Variants in GK observed in about 807,000 individuals in gnomAD.
GK encodes the protein ATP:glycerol 3-phosphotransferase.
In GK, 9 loss-of-function variants were observed where a neutral mutation model predicts 56.4. That is an observed-to-expected ratio of 0.16 (90% CI 0.10 to 0.28). The LOEUF (loss-of-function observed/expected upper bound fraction) is 0.28. GK is among the 10% of genes least tolerant of loss of function. The probability of loss-of-function intolerance (pLI) is 1.00; values close to 1 mark genes in which losing one functional copy is unlikely to be tolerated. For missense variants in GK, 161 were observed against 431.4 expected (o/e 0.37, Z 5.55); for synonymous variants, 104 against 144.1 (o/e 0.72, Z 1.99).
intron 7 of GK, 91 bp downstream of exon 7, chrX:30,696,242 C>A: frequency 1.8e-6 from 1 of 549,896 alleles, no homozygotes; most frequent in South Asian, 2.5e-5. Context: ...AGTGGAGCAC[C>A]AAAATTTAAC....
chrX:30,657,039 CG>C (rs2147119605), intron 1 of GK, among the ~76,000 whole-genome samples: 1 of 111,232 alleles, frequency 9.0e-6, no homozygotes, highest in South Asian at 3.8e-4. Context: ...TTAGTAGAGA[CG>C]GGGTTTCACC....
intron 11 of GK, among the ~76,000 whole-genome samples, chrX:30,705,244 C>T (rs1292559023): frequency 8.9e-6 from 1 of 112,359 alleles, no homozygotes; most frequent in Admixed American, 9.4e-5. Flanking sequence ...GAGAAAATGA[C>T]AGTCAGCTCA....
intron 1 of GK, among the ~76,000 whole-genome samples, chrX:30,662,906 T>C (rs1441897079): frequency 1.0e-5 from 1 of 98,495 alleles, no homozygotes; most frequent in Admixed American, 1.2e-4. Context: ...CTTTCTTTCG[T>C]AGTTTCGCTC....
chrX:30,674,247 C>T, intron 3 of GK: 1 of 327,986 alleles, frequency 3.0e-6, no homozygotes, highest in Non-Finnish European at 6.0e-6. Flanking sequence ...GCTATCTGGC[C>T]TCAGAGCCTG....
chrX:30,729,019 A>T lies in GK; in HGVS notation c.*277A>T. On this transcript the variant is annotated 3_prime_UTR_variant, in exon 21 of 21. Coordinates refer to ENST00000427190, the MANE Select transcript of GK (RefSeq NM_001205019.2). ...GGCTGACCCCCTCCATTGCCATAAC[A>T]TCCTGCTCCATTCCCTCTAAGATGT... is the stretch of plus-strand genomic sequence containing the variant. 2.8e-6 allele frequency: 1 copy of T among 360,719 alleles called. No homozygotes were observed. The highest frequency in any genetic ancestry group is 4.9e-6 in the Non-Finnish European group (1 of 205,476). 29.7% of individuals were successfully genotyped at this position (360,719 alleles called of 1,213,427 possible).
intron 4 of GK, among the ~76,000 whole-genome samples, chrX:30,689,212 C>CG (rs1488659512): frequency 8.9e-6 from 1 of 111,947 alleles, no homozygotes; most frequent in African/African-American, 3.2e-5. Context: ...AATTCTTCTA[C>CG]TTTTTCTAGT....
chrX:30,708,909 T>TA (rs950055118), intron 13 of GK, among the ~76,000 whole-genome samples: 12 of 111,916 alleles, frequency 1.1e-4, no homozygotes, highest in Non-Finnish European at 1.1e-4. Flanking sequence ...GACTTCTAGT[T>TA]AGAGTTAAAA....
Position 30,701,166 on chromosome X carries a change from T to A in GK, c.851+261T>A, listed in dbSNP as rs150435575. ...GGCTCACGCCTGTAATCCCAGCACT[T>A]TGAGTGGCCGAGACAGGTGGATCAC... On this transcript the variant is annotated intron_variant, in intron 11 of 20. Coordinates refer to ENST00000427190, the MANE Select transcript of GK (RefSeq NM_001205019.2). 3.6e-3 allele frequency among the ~76,000 whole-genome samples: 401 copies of A among 111,925 alleles called. 1 individual carries two copies. Among genetic ancestry groups the A allele is most frequent in the African/African-American group, 0.012 (382 of 30,819 alleles).
At chrX:30,676,239 A>G (rs925387240) in intron 3 of GK, among the ~76,000 whole-genome samples, 4 of 112,186 alleles carry the variant, frequency 3.6e-5, no homozygotes, top group Admixed American at 9.5e-5. Context: ...CTGGCTAATT[A>G]TTTTATTTTT....
At chrX:30,664,041 A>C (rs1375995343) in intron 1 of GK, among the ~76,000 whole-genome samples, 1 of 88,870 alleles carries the variant, frequency 1.1e-5, no homozygotes, top group African/African-American at 4.2e-5. Context: ...TTATAGATAT[A>C]TATTTTATAT....
In GK at chrX:30,653,517, G is replaced by C. The variant is rs776531786; in HGVS notation, c.-21G>C. ...ACCCAGGAAACCGGCCGCAATCGCCGGCCGACCTGAAGCTGGTTTCATGGC... is the reference window on the plus strand; with the variant it reads ...ACCCAGGAAACCGGCCGCAATCGCCCGCCGACCTGAAGCTGGTTTCATGGC... On this transcript the variant is annotated 5_prime_UTR_variant, in exon 1 of 21. Coordinates refer to ENST00000427190, the MANE Select transcript of GK (RefSeq NM_001205019.2). The C allele has an allele frequency of 4.1e-6, 5 of 1,205,519 alleles. No individual in the cohort carries two copies. Among genetic ancestry groups the C allele is most frequent in the Non-Finnish European group, 5.6e-6 (5 of 889,632 alleles).
At chrX:30,709,976 T>G (rs1432559733) in intron 13 of GK, among the ~76,000 whole-genome samples, 1 of 111,758 alleles carries the variant, frequency 8.9e-6, no homozygotes, top group Non-Finnish European at 1.9e-5. Context: ...TGTTACTCTT[T>G]CAGTTTTGTC....
intron 13 of GK, among the ~76,000 whole-genome samples, chrX:30,717,950 T>A (rs1936711743): frequency 9.0e-6 from 1 of 111,532 alleles, no homozygotes; most frequent in Admixed American, 9.5e-5. Flanking sequence ...CTTACTAAGT[T>A]ACTTAGATTA....
chrX:30,698,895 T>C (rs867415387), intron 9 of GK, among the ~76,000 whole-genome samples: 5 of 82,933 alleles, frequency 6.0e-5, no homozygotes, highest in African/African-American at 9.1e-5. Flanking sequence ...GAAAAGAAAA[T>C]AGCAGGTTTT....
chrX:30,680,162 A>AT (rs1033097405), intron 4 of GK, among the ~76,000 whole-genome samples: 123 of 110,636 alleles, frequency 1.1e-3, no homozygotes, highest in South Asian at 6.4e-3. Context: ...AGGTTGACTC[A>AT]TTTTTTTTTA....
intron 3 of GK, among the ~76,000 whole-genome samples, chrX:30,676,724 A>G (rs768119585): frequency 8.9e-6 from 1 of 111,909 alleles, no homozygotes; most frequent in Non-Finnish European, 1.9e-5. Flanking sequence ...AGTGTGGGTT[A>G]GTGTTTTTTT....
Position 30,677,465 on chromosome X carries a change from G to C in GK, c.337+13G>C. On this transcript the variant is annotated intron_variant, in intron 4 of 20. Transcript: ENST00000427190. ...TACAATGCTGTGGGTAAGCTGTCAT[G>C]CATGGATGTCAAATGTAGGGCCTTT... The C allele has an allele frequency of 1.1e-6, 1 of 946,196 alleles. No homozygotes were observed. The highest frequency in any genetic ancestry group is 1.9e-5 in the South Asian group (1 of 51,713). 78.0% of individuals were successfully genotyped at this position (946,196 alleles called of 1,213,427 possible).
At chrX:30,682,575 TATC>T (rs749996491) in intron 4 of GK, among the ~76,000 whole-genome samples, 11 of 112,249 alleles carry the variant, frequency 9.8e-5, no homozygotes, top group Non-Finnish European at 1.7e-4. Context: ...CAGTTGAAAA[TATC>T]AACATAATAT....
chrX:30,685,206 AC>A (rs1934530003), intron 4 of GK, among the ~76,000 whole-genome samples: 1 of 107,918 alleles, frequency 9.3e-6, no homozygotes, highest in Non-Finnish European at 1.9e-5. Flanking sequence ...ATCTCGGCTC[AC>A]CGCAAGCTCC....
Sources: allele counts gnomAD v4.1 joint callset (sites outside exome capture counted in the v4.1 genomes callset), GRCh38; gene constraint gnomAD v4.1.1; transcripts MANE v1.5; gene names NCBI Gene and HGNC (gene_info 2026-07-23, HGNC 2026-07-21).